ARHGAP6: variants seen among roughly 807,000 people sequenced by gnomAD.
ARHGAP6 encodes the protein Rho GTPase activating protein 6, also known as rho GTPase-activating protein 6.
ARHGAP6 carries 16 observed loss-of-function variants against 55.7 expected under a neutral mutation model. That is an observed-to-expected ratio of 0.29 (90% CI 0.19 to 0.44). The LOEUF (loss-of-function observed/expected upper bound fraction) is 0.44, where lower values mean the gene tolerates loss of function less well. Among genes scored for constraint, ARHGAP6 ranks in the 20% least tolerant of loss-of-function variants. The probability of loss-of-function intolerance (pLI) is 1.00; values close to 1 mark genes in which losing one functional copy is unlikely to be tolerated. For synonymous variants in ARHGAP6, 382 were observed against 360.9 expected (o/e 1.06, Z -0.66); for missense variants, 698 against 808.9 (o/e 0.86, Z 1.66).
At chrX:11,606,015 A>G (rs2052032237) in intron 1 of ARHGAP6, among the ~76,000 whole-genome samples, 1 of 111,193 alleles carries the variant, frequency 9.0e-6, no homozygotes, top group African/African-American at 3.3e-5. Flanking sequence ...TGGAAAAGGA[A>G]GAGAAGGGAG....
chrX:11,509,872 G>A (rs1395915526), intron 1 of ARHGAP6, among the ~76,000 whole-genome samples: 1 of 111,973 alleles, frequency 8.9e-6, no homozygotes, highest in Non-Finnish European at 1.9e-5. Flanking sequence ...TATAGCAATT[G>A]TCAGGAAAAG....
intron 1 of ARHGAP6, among the ~76,000 whole-genome samples, chrX:11,561,158 C>G (rs1290000644): frequency 9.0e-6 from 1 of 111,640 alleles, no homozygotes; most frequent in East Asian, 2.8e-4. Flanking sequence ...AGCCCTTGAT[C>G]CAAAGTAAAG....
intron 1 of ARHGAP6, among the ~76,000 whole-genome samples, chrX:11,430,961 C>T (rs1189793525): frequency 3.6e-5 from 4 of 111,595 alleles, no homozygotes; most frequent in African/African-American, 1.3e-4. Context: ...ATACTATGCA[C>T]AGGTATTGTT....
chrX:11,519,479 G>GTTGT (rs747303608), intron 1 of ARHGAP6, among the ~76,000 whole-genome samples: 10,113 of 108,698 alleles, frequency 0.093, 803 homozygotes, highest in African/African-American at 0.22. Flanking sequence ...TTTTGATGGG[G>GTTGT]TTGTTTTTTT....
At position 11,658,664 on chromosome X, in the gene ARHGAP6, T is replaced by C. The variant is rs756743606; in HGVS notation, c.588+5577A>G. Among the ~76,000 whole-genome samples the C allele has an allele frequency of 3.8e-5, 4 of 105,219 alleles. No individual in the cohort carries two copies. In the South Asian group the frequency reaches 1.3e-3, roughly 35 times the overall value. 91.4% of individuals were successfully genotyped at this position (105,219 alleles called of 115,157 possible). On this transcript the variant is annotated intron_variant, in intron 1 of 12. Coordinates refer to ENST00000337414, the MANE Select transcript of ARHGAP6 (RefSeq NM_013427.3). ...TTTTTTTTCATATGCTCAATACCCA[T>C]AGAAAGTCATTTTTTTGAATTTCAA...
intron 9 of ARHGAP6, among the ~76,000 whole-genome samples, chrX:11,162,092 C>T (rs1459867613): frequency 9.0e-6 from 1 of 111,439 alleles, no homozygotes; most frequent in African/African-American, 3.3e-5. Context: ...AGCTAGCCTC[C>T]CTCAAAGCTA....
At chrX:11,176,816 A>T (rs182588943) in intron 8 of ARHGAP6, among the ~76,000 whole-genome samples, 16 of 112,111 alleles carry the variant, frequency 1.4e-4, no homozygotes, top group Non-Finnish European at 2.4e-4. Context: ...TGTCAGTGCC[A>T]CATTATGAAA....
intron 2 of ARHGAP6, among the ~76,000 whole-genome samples, chrX:11,249,722 A>G (rs1313535875): frequency 8.9e-6 from 1 of 112,393 alleles, no homozygotes; most frequent in Non-Finnish European, 1.9e-5. Context: ...ATTAATTTGT[A>G]ATAAAGTTTT....
chrX:11,335,206 G>T, intron 1 of ARHGAP6: 1 of 145,529 alleles, frequency 6.9e-6, no homozygotes, highest in South Asian at 2.1e-4. Context: ...GTCCCCAAAT[G>T]GGCAGGTATT....
chrX:11,139,166 C>T lies in ARHGAP6; in HGVS notation c.2622G>A (p.Gly874=), dbSNP rs1170044624. The change falls in exon 13 of 13, where the codon GGG becomes GGA. Residue 874 remains glycine, a synonymous_variant. Transcript: ENST00000337414. ...GAGGCGGGGGCCGCTTGTCATCCCTCCCACTCCCATGGGGTCTTTGGCACT... is the reference window on the plus strand; with the variant it reads ...GAGGCGGGGGCCGCTTGTCATCCCTTCCACTCCCATGGGGTCTTTGGCACT... The part of the protein sequence containing the change: ...TPQCQRPHGS[G]RDDKRPPPPY... The T allele has an allele frequency of 1.7e-6, 2 of 1,206,569 alleles. No individual in the cohort carries two copies. Among genetic ancestry groups the T allele is most frequent in the South Asian group, 1.8e-5 (1 of 56,637 alleles).
At chrX:11,484,549 AG>A (rs1261356580) in intron 1 of ARHGAP6, among the ~76,000 whole-genome samples, 1 of 103,669 alleles carries the variant, frequency 9.6e-6, no homozygotes, top group Non-Finnish European at 2.0e-5. Context: ...GAAGAAGAGA[AG>A]GAAAAAGAGG....
rs1182814401 is a variant in ARHGAP6 at position 11,574,799 on chromosome X, G to T, written c.588+89442C>A. On this transcript the variant is annotated intron_variant, in intron 1 of 12. Coordinates refer to ENST00000337414, the MANE Select transcript of ARHGAP6 (RefSeq NM_013427.3). Reference sequence around the variant, plus strand: ...GGAAGTCAAATTGTCCCTGTTTGCAGATGACATGATTGTACATCTAGAAAA... The same window carrying T: ...GGAAGTCAAATTGTCCCTGTTTGCATATGACATGATTGTACATCTAGAAAA... 1.0e-4 allele frequency among the ~76,000 whole-genome samples: 11 copies of T among 108,028 alleles called. No homozygotes were observed. The Admixed American group carries it at 1.1e-3, about 11-fold the overall frequency. 93.8% of individuals were successfully genotyped at this position (108,028 alleles called of 115,157 possible).
At chrX:11,522,150 A>G (rs1014164062) in intron 1 of ARHGAP6, among the ~76,000 whole-genome samples, 3 of 111,885 alleles carry the variant, frequency 2.7e-5, no homozygotes, top group African/African-American at 9.7e-5. Context: ...GTACATAACG[A>G]AATGAAGGCA....
intron 1 of ARHGAP6, among the ~76,000 whole-genome samples, chrX:11,504,434 A>G (rs5935083): frequency 0.12 from 12,791 of 110,846 alleles, 749 homozygotes; most frequent in African/African-American, 0.21. Context: ...CCCCAGTTGT[A>G]ACAGTCAGAA....
Position 11,169,696 on chromosome X carries a change from C to G in ARHGAP6, c.1630-12G>C. 1 of 1,160,401 alleles carries G rather than the reference C, an allele frequency of 8.6e-7. No individual in the cohort carries two copies. Among genetic ancestry groups the G allele is most frequent in the Non-Finnish European group, 1.2e-6 (1 of 865,975 alleles). On this transcript the variant is annotated splice_polypyrimidine_tract_variant and intron_variant, in intron 8 of 12. Transcript: ENST00000337414. ...TTATTCCCAGTGACCTATAAGAGAACAGAACACAAGGACTGTTGTTATGTT... is the reference window on the plus strand; with the variant it reads ...TTATTCCCAGTGACCTATAAGAGAAGAGAACACAAGGACTGTTGTTATGTT...
chrX:11,440,052 C>A (rs1359734741), intron 1 of ARHGAP6, among the ~76,000 whole-genome samples: 1 of 112,477 alleles, frequency 8.9e-6, no homozygotes, highest in African/African-American at 3.2e-5. Flanking sequence ...ATGGGGCTTG[C>A]ACCCATCTGT....
intron 10 of ARHGAP6, 92 bp from the exon 11 acceptor site, chrX:11,144,340 A>T: frequency 8.9e-7 from 1 of 1,121,037 alleles, no homozygotes; most frequent in East Asian, 3.0e-5. Flanking sequence ...TGACTGGAGG[A>T]GTATGCGTGG....
At chrX:11,500,313 T>G (rs1261070103) in intron 1 of ARHGAP6, among the ~76,000 whole-genome samples, 1 of 94,815 alleles carries the variant, frequency 1.1e-5, no homozygotes, top group African/African-American at 4.6e-5. Context: ...TAAAATACCC[T>G]TTTCCAAAGT....
intron 1 of ARHGAP6, among the ~76,000 whole-genome samples, chrX:11,388,324 A>G (rs1197487675): frequency 9.0e-6 from 1 of 111,455 alleles, no homozygotes. Flanking sequence ...GCATTTTTTC[A>G]TGTGTCTTTT....
Sources: gnomAD v4.1 joint callset for allele counts (sites outside exome capture counted in the v4.1 genomes callset) on GRCh38, gnomAD v4.1.1 for gene constraint, MANE v1.5 for transcripts, NCBI Gene and HGNC (gene_info 2026-07-23, HGNC 2026-07-21) for gene names.